The following TBC1D22A variants were observed in gnomAD, a reference collection of about 807,000 sequenced individuals.
The protein encoded by TBC1D22A is TBC1 domain family member 22A, also known as putative GTPase activator.
A neutral mutation model predicts 60.2 loss-of-function variants in TBC1D22A; 38 were observed. The ratio of observed to expected loss-of-function variants is 0.63; its 90% CI spans 0.49 to 0.83. The LOEUF (loss-of-function observed/expected upper bound fraction) is 0.83. TBC1D22A is among the 40% of genes least tolerant of loss of function. The pLI is 0.00. For missense variants in TBC1D22A, 628 were observed against 701.0 expected, an observed-to-expected ratio of 0.90 and a Z score of 1.18; for synonymous variants, 302 against 281.7, an observed-to-expected ratio of 1.07 and a Z score of -0.72.
rs2068608718 is a variant in TBC1D22A at position 47,174,590 on chromosome 22, A to T, written c.*964A>T. On this transcript the variant is annotated 3_prime_UTR_variant, in exon 13 of 13. Transcript: ENST00000337137. The stretch of plus-strand genomic sequence containing the variant: ...TGTCCAGGTCTGCCAGGTGTAGGGG[A>T]GGTGTGACTGGTTCCATCATGGACC... The T allele has an allele frequency of 6.6e-6, 1 of 151,444 alleles. No homozygotes were observed. Among genetic ancestry groups the T allele is most frequent in the South Asian group, 2.1e-4 (1 of 4,774 alleles). The allele number at this position is 151,444 out of a possible 1,614,324, so 9.4% of individuals were successfully genotyped here.
At chr22:47,103,688 G>A (rs2065507426) in intron 11 of TBC1D22A, among the ~76,000 whole-genome samples, 1 of 152,168 alleles carries the variant, frequency 6.6e-6, no homozygotes. Context: ...TGAAATATTT[G>A]GTCAATTTTA....
intron 11 of TBC1D22A, among the ~76,000 whole-genome samples, chr22:47,052,392 G>C (rs1469682248): frequency 2.0e-5 from 3 of 152,194 alleles, no homozygotes; most frequent in African/African-American, 7.2e-5. Context: ...GGGGATGCCT[G>C]GGAGGGACCC....
intron 11 of TBC1D22A, among the ~76,000 whole-genome samples, chr22:47,106,037 AG>A (rs1236568736): frequency 6.6e-6 from 1 of 152,248 alleles, no homozygotes; most frequent in African/African-American, 2.4e-5. Context: ...GAAATAACCA[AG>A]GTTCAAATGT....
At position 46,880,098 on chromosome 22, in the gene TBC1D22A, T is replaced by C. The variant is rs369007900; in HGVS notation, c.708+1375T>C. ...CTGGTCTCAGTTGATTTAGAAAGTTTATTTTGCCAAGGTTGAGGGCGCACT... is the reference window on the plus strand; with the variant it reads ...CTGGTCTCAGTTGATTTAGAAAGTTCATTTTGCCAAGGTTGAGGGCGCACT... On this transcript the variant is annotated intron_variant, in intron 5 of 12. Transcript: ENST00000337137. 3.3e-5 allele frequency among the ~76,000 whole-genome samples: 5 copies of C among 152,322 alleles called. No homozygotes were observed. In the East Asian group the frequency reaches 9.6e-4, roughly 29 times the overall value.
intron 9 of TBC1D22A, among the ~76,000 whole-genome samples, chr22:46,979,698 G>A (rs2074438565): frequency 2.0e-5 from 3 of 152,210 alleles, no homozygotes; most frequent in South Asian, 4.1e-4. Context: ...ACACAGTGAC[G>A]GTTGAGTGTG....
At chr22:46,980,070 C>A (rs2074454418) in intron 9 of TBC1D22A, among the ~76,000 whole-genome samples, 1 of 151,996 alleles carries the variant, frequency 6.6e-6, no homozygotes, top group Non-Finnish European at 1.5e-5. Context: ...TACCCAGAGA[C>A]CTGAGACACT....
chr22:46,883,583 G>A, intron 5 of TBC1D22A, among the ~76,000 whole-genome samples: 1 of 152,170 alleles, frequency 6.6e-6, no homozygotes, highest in East Asian at 1.9e-4. Flanking sequence ...ACATTTTGGG[G>A]AGTGGGAAGT....
chr22:46,812,553 C>T (rs2085425614), intron 4 of TBC1D22A, among the ~76,000 whole-genome samples: 1 of 152,200 alleles, frequency 6.6e-6, no homozygotes, highest in African/African-American at 2.4e-5. Context: ...GGGACACTGC[C>T]CACCCCTGTG....
chr22:46,933,028 C>T (rs1362418916), intron 8 of TBC1D22A, among the ~76,000 whole-genome samples: 1 of 152,108 alleles, frequency 6.6e-6, no homozygotes, highest in East Asian at 1.9e-4. Flanking sequence ...CGGCCTCCTC[C>T]TTGCTTTTTG....
At chr22:46,793,899 C>A in intron 3 of TBC1D22A, 58 bp downstream of exon 3, 1 of 1,435,284 alleles carries the variant, frequency 7.0e-7, no homozygotes, top group Non-Finnish European at 9.3e-7. Flanking sequence ...AGAAAGTGGC[C>A]AGAACACACT....
intron 5 of TBC1D22A, among the ~76,000 whole-genome samples, chr22:46,887,844 A>C (rs1186971241): frequency 6.6e-6 from 1 of 152,180 alleles, no homozygotes; most frequent in Non-Finnish European, 1.5e-5. Flanking sequence ...AAGAAGTTTC[A>C]GTGGTGTGAT....
intron 4 of TBC1D22A, among the ~76,000 whole-genome samples, chr22:46,840,662 G>A (rs1319795982): frequency 6.6e-6 from 1 of 152,130 alleles, no homozygotes; most frequent in Non-Finnish European, 1.5e-5. Context: ...GAACCCAGAA[G>A]GCGGAGGTTG....
chr22:46,796,633 C>T (rs868765791), intron 3 of TBC1D22A, among the ~76,000 whole-genome samples: 18 of 151,810 alleles, frequency 1.2e-4, no homozygotes, highest in South Asian at 2.1e-4. Flanking sequence ...TGGGCTGACC[C>T]GGTCCCGGGT....
At chr22:46,935,668 C>G (rs771786082) in intron 8 of TBC1D22A, among the ~76,000 whole-genome samples, 1 of 152,192 alleles carries the variant, frequency 6.6e-6, no homozygotes. Flanking sequence ...TGCTATGGGC[C>G]GTCTGTGGGC....
intron 12 of TBC1D22A, among the ~76,000 whole-genome samples, chr22:47,173,148 G>A (rs745840828): frequency 7.9e-5 from 12 of 152,232 alleles, no homozygotes; most frequent in South Asian, 2.1e-4. Flanking sequence ...AGCTCTGGGC[G>A]GCCCCTGCCA....
intron 4 of TBC1D22A, among the ~76,000 whole-genome samples, chr22:46,826,229 T>A (rs148766995): frequency 1.3e-5 from 2 of 152,338 alleles, no homozygotes; most frequent in Non-Finnish European, 2.9e-5. Context: ...TGACTGGATG[T>A]TCTTCTGCAA....
intron 10 of TBC1D22A, among the ~76,000 whole-genome samples, chr22:47,027,780 A>G (rs2062309040): frequency 6.6e-6 from 1 of 152,248 alleles, no homozygotes; most frequent in Admixed American, 6.5e-5. Context: ...TTCAGATGAT[A>G]CTATTAATAT....
chr22:46,944,020 AG>A (rs1452317529), intron 8 of TBC1D22A, among the ~76,000 whole-genome samples: 1 of 152,118 alleles, frequency 6.6e-6, no homozygotes, highest in Non-Finnish European at 1.5e-5. Context: ...CATTTAGTAT[AG>A]TTTCTATGTG....
chr22:46,797,427 TTC>T lies in TBC1D22A; in HGVS notation c.461-12_461-11del. The T allele has an allele frequency of 6.2e-7, 1 of 1,611,820 alleles. No individual in the cohort carries two copies. The highest frequency in any genetic ancestry group is 8.5e-7 in the Non-Finnish European group (1 of 1,179,802). On this transcript the variant is annotated splice_polypyrimidine_tract_variant and intron_variant, in intron 3 of 12. Coordinates refer to ENST00000337137, the MANE Select transcript of TBC1D22A (RefSeq NM_014346.5). ...AGGAGCGCCCTCACCCTCACCCCCA[TTC>T]TCTCACCCCTGCAGAAAGTGCCAGC...
Sources: allele counts gnomAD v4.1 joint callset (sites outside exome capture counted in the v4.1 genomes callset), GRCh38; gene constraint gnomAD v4.1.1; transcripts MANE v1.5; gene names NCBI Gene and HGNC (gene_info 2026-07-23, HGNC 2026-07-21).